KCNU1: variants seen among roughly 807,000 people sequenced by gnomAD.
The protein encoded by KCNU1 is potassium channel subfamily U member 1.
In KCNU1, 93 loss-of-function variants were observed where a neutral mutation model predicts 126.8. The ratio of observed to expected loss-of-function variants is 0.73; its 90% confidence interval spans 0.62 to 0.87. The LOEUF (loss-of-function observed/expected upper bound fraction) is 0.87. Among genes scored for constraint, KCNU1 ranks in the 40% least tolerant of loss-of-function variants. The probability of loss-of-function intolerance (pLI) is 0.00; values close to 1 mark genes in which losing one functional copy is unlikely to be tolerated. For missense variants in KCNU1, 1,330 were observed against 1,367.1 expected, an observed-to-expected ratio of 0.97 and a Z score of 0.43; for synonymous variants, 523 against 494.2, an observed-to-expected ratio of 1.06 and a Z score of -0.77.
chr8:36,904,239 A>C (rs1432661791), intron 19 of KCNU1, among the ~76,000 whole-genome samples: 2 of 152,178 alleles, frequency 1.3e-5, no homozygotes, highest in Non-Finnish European at 2.9e-5. Flanking sequence ...TTCACATTAC[A>C]TGTCCAGCAC....
chr8:36,899,546 C>G (rs367638632), intron 19 of KCNU1, among the ~76,000 whole-genome samples: 1 of 151,950 alleles, frequency 6.6e-6, no homozygotes, highest in Non-Finnish European at 1.5e-5. Flanking sequence ...TAAATCATAC[C>G]TATTATCTCT....
intron 7 of KCNU1, among the ~76,000 whole-genome samples, chr8:36,810,334 C>A (rs1378659625): frequency 6.6e-6 from 1 of 151,992 alleles, no homozygotes; most frequent in Non-Finnish European, 1.5e-5. Flanking sequence ...CTCTGCCAGG[C>A]CTACTTGAAA....
intron 19 of KCNU1, chr8:36,888,901 T>C (rs765021798): frequency 1.2e-5 from 5 of 411,306 alleles, no homozygotes; most frequent in Non-Finnish European, 2.5e-5. Flanking sequence ...CTTTTTGAGA[T>C]AGGGTCTCGC....
At chr8:36,794,891 C>T (rs947942768) in intron 2 of KCNU1, among the ~76,000 whole-genome samples, 1 of 151,976 alleles carries the variant, frequency 6.6e-6, no homozygotes, top group African/African-American at 2.4e-5. Flanking sequence ...ATTGCACCAC[C>T]CACTCCAGCC....
chr8:36,858,976 T>C (rs1805632454), intron 18 of KCNU1, among the ~76,000 whole-genome samples: 1 of 152,176 alleles, frequency 6.6e-6, no homozygotes, highest in Non-Finnish European at 1.5e-5. Flanking sequence ...ACCAAGTCTA[T>C]TCCACTCCAG....
intron 18 of KCNU1, among the ~76,000 whole-genome samples, chr8:36,857,903 C>G (rs1805587579): frequency 6.6e-6 from 1 of 152,156 alleles, no homozygotes; most frequent in Non-Finnish European, 1.5e-5. Context: ...GCCTCAGCCT[C>G]CCAAAGTGCT....
At chr8:36,863,691 T>G (rs1023577672) in intron 18 of KCNU1, among the ~76,000 whole-genome samples, 1 of 152,142 alleles carries the variant, frequency 6.6e-6, no homozygotes, top group Admixed American at 6.6e-5. Flanking sequence ...ACTGCATGAT[T>G]GTATATCAAC....
chr8:36,899,875 A>C (rs1281084204), intron 19 of KCNU1, among the ~76,000 whole-genome samples: 1 of 152,146 alleles, frequency 6.6e-6, no homozygotes, highest in East Asian at 1.9e-4. Context: ...ACAAACAAGT[A>C]TCGCCATTTG....
At chr8:36,805,895 G>A (rs773606247) in intron 4 of KCNU1, among the ~76,000 whole-genome samples, 35 of 152,090 alleles carry the variant, frequency 2.3e-4, no homozygotes, top group Non-Finnish European at 4.3e-4. Flanking sequence ...CTAGGCTGCA[G>A]TACAGTGAAG....
At chr8:36,879,649 C>T (rs1484078046) in intron 19 of KCNU1, among the ~76,000 whole-genome samples, 1 of 152,042 alleles carries the variant, frequency 6.6e-6, no homozygotes, top group Non-Finnish European at 1.5e-5. Flanking sequence ...ATTTAAAATG[C>T]CGAATGCTTC....
intron 9 of KCNU1, among the ~76,000 whole-genome samples, chr8:36,816,844 G>A (rs894698938): frequency 6.6e-6 from 1 of 151,970 alleles, no homozygotes; most frequent in African/African-American, 2.4e-5. Flanking sequence ...AAATGTGGAA[G>A]ATAAGCTGAA....
intron 22 of KCNU1, among the ~76,000 whole-genome samples, chr8:36,915,541 C>T (rs1270362508): frequency 1.3e-5 from 2 of 152,230 alleles, no homozygotes; most frequent in African/African-American, 4.8e-5. Flanking sequence ...CGGATAATCT[C>T]ATTTCCTTAC....
intron 19 of KCNU1, among the ~76,000 whole-genome samples, chr8:36,874,549 G>T (rs946975581): frequency 6.6e-6 from 1 of 152,094 alleles, no homozygotes; most frequent in African/African-American, 2.4e-5. Flanking sequence ...CCCTCCCTGG[G>T]CAGGAGGTCT....
At chr8:36,817,607 T>A in intron 9 of KCNU1, 43 bp from the exon 10 acceptor site, 1 of 971,120 alleles carries the variant, frequency 1.0e-6, no homozygotes, top group Non-Finnish European at 1.7e-6. Flanking sequence ...GGAAGGTGCT[T>A]ATGTGCCTCG....
intron 19 of KCNU1, among the ~76,000 whole-genome samples, chr8:36,880,458 C>T (rs150632478): frequency 1.7e-3 from 266 of 152,196 alleles, no homozygotes; most frequent in East Asian, 4.6e-3. Flanking sequence ...TTATATATTG[C>T]TGTCAGAAAT....
intron 19 of KCNU1, among the ~76,000 whole-genome samples, chr8:36,883,172 A>AT (rs1255162946): frequency 6.6e-6 from 1 of 152,180 alleles, no homozygotes; most frequent in Non-Finnish European, 1.5e-5. Context: ...TCCTCTGGAC[A>AT]TTTAGCATGA....
chr8:36,877,101 T>C (rs552560606), intron 19 of KCNU1, among the ~76,000 whole-genome samples: 1 of 152,184 alleles, frequency 6.6e-6, no homozygotes, highest in East Asian at 1.9e-4. Flanking sequence ...CACTCTAAAA[T>C]AAGCAAAAAT....
At chr8:36,935,422 G>T in intron 26 of KCNU1, 93 bp from the exon 27 acceptor site, 1 of 972,252 alleles carries the variant, frequency 1.0e-6, no homozygotes, top group South Asian at 1.7e-5. Flanking sequence ...TCCTCTTTGG[G>T]CCCAGCAAAA....
chr8:36,918,530 C>T lies in KCNU1; in HGVS notation c.2522-293C>T, dbSNP rs547888647. Among the ~76,000 whole-genome samples, 40 of 151,276 alleles carry T rather than the reference C, an allele frequency of 2.6e-4. No individual in the cohort carries two copies. The East Asian group carries it at 6.3e-3, about 24-fold the overall frequency. On this transcript the variant is annotated intron_variant, in intron 22 of 26. Transcript: ENST00000399881. Reference sequence around the variant, plus strand: ...TGATGGCACCACTGTACTCCAATCTCGGTGATGGAGCAAGACCCTGTTTCA... The same window carrying T: ...TGATGGCACCACTGTACTCCAATCTTGGTGATGGAGCAAGACCCTGTTTCA...
Sources: gnomAD v4.1 joint callset for allele counts (sites outside exome capture counted in the v4.1 genomes callset) on GRCh38, gnomAD v4.1.1 for gene constraint, MANE v1.5 for transcripts, NCBI Gene and HGNC (gene_info 2026-07-23, HGNC 2026-07-21) for gene names.